The following ANKFN1 variants were observed in gnomAD, a reference collection of about 807,000 sequenced individuals.
The protein encoded by ANKFN1 is ankyrin repeat and fibronectin type III domain containing 1.
A neutral mutation model predicts 108.7 loss-of-function variants in ANKFN1; 74 were observed. The ratio of observed to expected loss-of-function variants is 0.68; its 90% CI spans 0.56 to 0.83. ANKFN1 has a LOEUF of 0.83. Among genes scored for constraint, ANKFN1 ranks in the 40% least tolerant of loss-of-function variants. ANKFN1 has a pLI of 0.00. For missense variants in ANKFN1, 1,505 were observed against 1,382.3 expected, an observed-to-expected ratio of 1.09 and a Z score of -1.41; for synonymous variants, 547 against 516.2, an observed-to-expected ratio of 1.06 and a Z score of -0.81.
intron 4 of ANKFN1, among the ~76,000 whole-genome samples, chr17:56,082,455 G>A (rs1172938869): frequency 7.1e-6 from 1 of 141,008 alleles, no homozygotes; most frequent in Non-Finnish European, 1.6e-5. Context: ...AAAAAACCAC[G>A]AGGCACTGAG....
At chr17:56,369,438 C>T (rs749014487) in intron 6 of ANKFN1, among the ~76,000 whole-genome samples, 2 of 151,982 alleles carry the variant, frequency 1.3e-5, no homozygotes, top group African/African-American at 4.8e-5. Context: ...AAAAAAAATG[C>T]CCCCATTCCA....
At chr17:56,384,240 T>C in intron 8 of ANKFN1, among the ~76,000 whole-genome samples, 1 of 152,212 alleles carries the variant, frequency 6.6e-6, no homozygotes, top group Non-Finnish European at 1.5e-5. Flanking sequence ...CGTGATTATC[T>C]CAATAGATGC....
At position 56,477,488 on chromosome 17, in the gene ANKFN1, G is replaced by A; in HGVS notation, c.1774G>A (p.Asp592Asn). The change falls in exon 16 of 21, where the codon GAT becomes AAT. Residue 592 changes from aspartate to asparagine, a missense_variant and splice_region_variant. Transcript: ENST00000682825. ...ALDILLITIQ[D>N]ILSYHKRSHQ... ...TTTTTTTTTTTTTTTAACCCTACAG[G>A]ATATTCTATCCTATCACAAAAGGAG... is the stretch of plus-strand genomic sequence containing the variant. The A allele has an allele frequency of 1.3e-6, 2 of 1,551,736 alleles. No individual in the cohort carries two copies. Among genetic ancestry groups the A allele is most frequent in the Non-Finnish European group, 1.7e-6 (2 of 1,147,352 alleles).
At chr17:56,389,727 G>A (rs2047374706) in intron 8 of ANKFN1, among the ~76,000 whole-genome samples, 1 of 152,188 alleles carries the variant, frequency 6.6e-6, no homozygotes, top group Admixed American at 6.5e-5. Context: ...TCTTCTTCCT[G>A]TAATATTTGA....
At chr17:56,422,602 C>T (rs2048446896) in intron 8 of ANKFN1, among the ~76,000 whole-genome samples, 1 of 152,056 alleles carries the variant, frequency 6.6e-6, no homozygotes, top group Non-Finnish European at 1.5e-5. Context: ...TTTTGAAATT[C>T]GAAACCTTGA....
chr17:56,371,087 T>G (rs941211089), intron 6 of ANKFN1, among the ~76,000 whole-genome samples: 1 of 151,854 alleles, frequency 6.6e-6, no homozygotes, highest in Admixed American at 6.6e-5. Flanking sequence ...AGTGAAAGAG[T>G]TTTTTAGCTT....
intron 18 of ANKFN1, among the ~76,000 whole-genome samples, chr17:56,489,161 C>A (rs2050948795): frequency 6.6e-6 from 1 of 152,054 alleles, no homozygotes; most frequent in Admixed American, 6.6e-5. Context: ...TTGATGCCAA[C>A]CTTATGTTAG....
intron 4 of ANKFN1, among the ~76,000 whole-genome samples, chr17:56,125,944 TCATGAGAATGAAGA>T (rs1348199392): frequency 6.6e-6 from 1 of 152,118 alleles, no homozygotes; most frequent in African/African-American, 2.4e-5. Flanking sequence ...TGTTTTCCCT[TCATGAGAATGAAGA>T]CTATGAGCCA....
chr17:56,315,330 A>G (rs1284840487), intron 3 of ANKFN1, among the ~76,000 whole-genome samples: 2 of 152,208 alleles, frequency 1.3e-5, no homozygotes, highest in Non-Finnish European at 2.9e-5. Flanking sequence ...GCTGAAGATA[A>G]ATCACTGAAG....
At chr17:56,484,153 G>A (rs77961615) in intron 18 of ANKFN1, among the ~76,000 whole-genome samples, 112 of 152,230 alleles carry the variant, frequency 7.4e-4, no homozygotes, top group African/African-American at 2.5e-3. Flanking sequence ...AGAAAGAATC[G>A]GGAAGAGAAC....
At chr17:56,329,123 A>G (rs1250385331) in intron 4 of ANKFN1, among the ~76,000 whole-genome samples, 1 of 152,090 alleles carries the variant, frequency 6.6e-6, no homozygotes. Context: ...AAAGTCTCCA[A>G]TGCTGCCCTG....
At chr17:56,147,006 T>C (rs1304141572) in intron 4 of ANKFN1, among the ~76,000 whole-genome samples, 1 of 152,130 alleles carries the variant, frequency 6.6e-6, no homozygotes, top group Non-Finnish European at 1.5e-5. Flanking sequence ...AAAACATCTC[T>C]CTCAAGTTCA....
intron 4 of ANKFN1, among the ~76,000 whole-genome samples, chr17:56,100,138 G>T (rs1407245924): frequency 6.6e-6 from 1 of 152,214 alleles, no homozygotes; most frequent in Admixed American, 6.5e-5. Flanking sequence ...CCACAATTCT[G>T]CTGCAAAATG....
chr17:56,292,734 A>C (rs1042851015), intron 3 of ANKFN1, among the ~76,000 whole-genome samples: 7 of 152,194 alleles, frequency 4.6e-5, no homozygotes, highest in Admixed American at 2.0e-4. Context: ...AGGGGGAAAA[A>C]AAAACCACTG....
intron 3 of ANKFN1, among the ~76,000 whole-genome samples, chr17:56,291,494 T>A (rs1057164206): frequency 6.6e-6 from 1 of 152,182 alleles, no homozygotes; most frequent in African/African-American, 2.4e-5. Context: ...AGCCACACAT[T>A]TAGGGGCCTT....
At chr17:56,416,096 A>C (rs543395331) in intron 8 of ANKFN1, among the ~76,000 whole-genome samples, 1 of 152,348 alleles carries the variant, frequency 6.6e-6, no homozygotes, top group South Asian at 2.1e-4. Context: ...TAAGACCTAA[A>C]CTATGAAATT....
chr17:56,446,917 A>G (rs924385157), intron 10 of ANKFN1, among the ~76,000 whole-genome samples: 4 of 151,814 alleles, frequency 2.6e-5, no homozygotes, highest in African/African-American at 9.7e-5. Flanking sequence ...AACAAAAACA[A>G]AAACAAAAAC....
chr17:56,358,559 A>G (rs2046432408), intron 6 of ANKFN1, among the ~76,000 whole-genome samples: 1 of 152,210 alleles, frequency 6.6e-6, no homozygotes, highest in Admixed American at 6.5e-5. Context: ...ATCTTTATTC[A>G]ATGACTTTTT....
At chr17:56,299,178 C>A (rs2044601790) in intron 3 of ANKFN1, among the ~76,000 whole-genome samples, 2 of 152,200 alleles carry the variant, frequency 1.3e-5, no homozygotes, top group Admixed American at 6.5e-5. Context: ...ATTGCCTGAG[C>A]TATTTAAATT....
Sources: gnomAD v4.1 joint callset for allele counts (sites outside exome capture counted in the v4.1 genomes callset) on GRCh38, gnomAD v4.1.1 for gene constraint, MANE v1.5 for transcripts, NCBI Gene and HGNC (gene_info 2026-07-23, HGNC 2026-07-21) for gene names.